Variants in ATP6V1E2 observed in about 807,000 individuals in gnomAD.
The protein encoded by ATP6V1E2 is V-type proton ATPase subunit E 2.
For synonymous variants in ATP6V1E2, 121 were observed against 104.2 expected (o/e 1.16, Z -0.98); for missense variants, 308 against 273.3 (o/e 1.13, Z -0.90).
intron 4 of ATP6V1E2, among the ~76,000 whole-genome samples, chr2:46,522,270 G>C (rs56665981): frequency 0.62 from 91,426 of 148,590 alleles, 29,572 homozygotes; most frequent in East Asian, 0.83. Flanking sequence ...GGCGACAGAC[G>C]GAGACTCTGT....
At position 46,525,461 on chromosome 2, in the gene ATP6V1E2, C is replaced by CAAAAAAAAAAA. The variant is rs57428249; in HGVS notation, c.-102+10341_-102+10351dup. Among the ~76,000 whole-genome samples the CAAAAAAAAAAA allele has an allele frequency of 1.5e-3, 84 of 56,658 alleles. 1 individual carries two copies. Among genetic ancestry groups the CAAAAAAAAAAA allele is most frequent in the South Asian group, 3.3e-3 (5 of 1,520 alleles). 37.2% of individuals were successfully genotyped at this position (56,658 alleles called of 152,430 possible). A position where few individuals can be genotyped will look rare whatever the true frequency, so the allele number is the denominator to read the frequency against. On this transcript the variant is annotated intron_variant, in intron 4 of 4. Coordinates refer to ENST00000522587, the MANE Select transcript of ATP6V1E2 (RefSeq NM_001318063.2). ...TGGGCGACAGAACGAGACTCCGTCTCAAAAAAAAAAAAAAAGAAAAAAAAA... is the reference window on the plus strand; with the variant it reads ...TGGGCGACAGAACGAGACTCCGTCTCAAAAAAAAAAAAAAAAAAAAAAAAAAGAAAAAAAAA...
In ATP6V1E2 at chr2:46,537,133, T is replaced by G. The variant is rs188044632; in HGVS notation, c.-309-430A>C. 3.9e-3 allele frequency among the ~76,000 whole-genome samples: 596 copies of G among 152,306 alleles called. 3 individuals are homozygous for G. Among genetic ancestry groups the G allele is most frequent in the South Asian group, 0.015 (72 of 4,828 alleles). On this transcript the variant is annotated intron_variant, in intron 2 of 4. Coordinates refer to ENST00000522587, the MANE Select transcript of ATP6V1E2 (RefSeq NM_001318063.2). ...GTAGCCAGGGGAAGGCCTAGGAACG[T>G]TGACCCTTAGGCAATAATGTAGATG...
At chr2:46,518,758 TTG>T (rs70940621) in intron 4 of ATP6V1E2, among the ~76,000 whole-genome samples, 3,149 of 140,268 alleles carry the variant, frequency 0.022, 43 homozygotes, top group African/African-American at 0.042. Flanking sequence ...CAAGTCAATT[TTG>T]TGTGTGTGTG....
chr2:46,512,270 C>T lies in ATP6V1E2; in HGVS notation c.442G>A (p.Val148Ile). ...ATGTACTCGGGGATGGCTTTTTGTA[C>T]AGCAGCCTCCACCAGGAGGAGGTCT... ...PQDLLLVEAA[V>I]QKAIPEYMTI... is the part of the protein sequence containing the mutation. The change falls in exon 5 of 5, where the codon GTA becomes ATA. Residue 148 changes from valine (V) to isoleucine (I), a missense_variant. By Grantham distance (29) the Val-to-Ile change is conservative. Coordinates refer to ENST00000522587, the MANE Select transcript of ATP6V1E2 (RefSeq NM_001318063.2). 1 of 1,612,448 alleles carries T rather than the reference C, an allele frequency of 6.2e-7. No individual in the cohort carries two copies. Among genetic ancestry groups the T allele is most frequent in the Non-Finnish European group, 8.5e-7 (1 of 1,178,968 alleles).
At chr2:46,517,877 A>G (rs1286116577) in intron 4 of ATP6V1E2, among the ~76,000 whole-genome samples, 1 of 152,258 alleles carries the variant, frequency 6.6e-6, no homozygotes, top group Non-Finnish European at 1.5e-5. Context: ...AAGGATGTGC[A>G]GAAACTGGAA....
chr2:46,516,521 T>C (rs937564184), intron 4 of ATP6V1E2, among the ~76,000 whole-genome samples: 8 of 152,158 alleles, frequency 5.3e-5, no homozygotes, highest in African/African-American at 1.9e-4. Flanking sequence ...TTGAACCTGG[T>C]AGTGCGAGGC....
chr2:46,512,776 C>T lies in ATP6V1E2; in HGVS notation c.-65G>A, dbSNP rs1470532020. On this transcript the variant is annotated 5_prime_UTR_variant, in exon 5 of 5. Coordinates refer to ENST00000522587, the MANE Select transcript of ATP6V1E2 (RefSeq NM_001318063.2). The stretch of plus-strand genomic sequence containing the variant: ...ACCGTTTGGCTCCTTTGACTTAGGA[C>T]AATTTCAGGAGTGTCTCTGGAGTTC... The T allele has an allele frequency of 1.4e-5, 20 of 1,403,030 alleles. No homozygotes were observed. The highest frequency in any genetic ancestry group is 1.9e-5 in the Non-Finnish European group (20 of 1,038,530). 86.9% of individuals were successfully genotyped at this position (1,403,030 alleles called of 1,614,324 possible). A position where few individuals can be genotyped will look rare whatever the true frequency, so the allele number is the denominator to read the frequency against.
Position 46,525,235 on chromosome 2 carries a change from G to C in ATP6V1E2, c.-102+10578C>G, listed in dbSNP as rs184593554. Among the ~76,000 whole-genome samples, 1,031 of 152,076 alleles carry C rather than the reference G, an allele frequency of 6.8e-3. 6 individuals are homozygous for C. Among genetic ancestry groups the C allele is most frequent in the Middle Eastern group, 0.017 (5 of 294 alleles). ...CACGCCTGTAATCCCAGTACTTTGG[G>C]AGGCCGAGGCGGGCGGATCACGAGG... On this transcript the variant is annotated intron_variant, in intron 4 of 4. Coordinates refer to ENST00000522587, the MANE Select transcript of ATP6V1E2 (RefSeq NM_001318063.2).
rs986877826 is a variant in ATP6V1E2, at chr2:46,535,947, C to G, written c.-216-20G>C. On this transcript the variant is annotated intron_variant, in intron 3 of 4. Coordinates refer to ENST00000522587, the MANE Select transcript of ATP6V1E2 (RefSeq NM_001318063.2). The surrounding 1 kb of genome is among the most constrained non-coding windows in gnomAD (Gnocchi z 4.4). ...TTGGTTCTGAAACATAAAATAAAAT[C>G]ATTAATTTCATTTTTGGAGGAGGGA... is the stretch of plus-strand genomic sequence containing the variant. The G allele has an allele frequency of 6.6e-6, 1 of 152,162 alleles. No individual in the cohort carries two copies. Among genetic ancestry groups the G allele is most frequent in the Non-Finnish European group, 1.5e-5 (1 of 68,030 alleles). The allele number at this position is 152,162 out of a possible 1,614,324, so 9.4% of individuals were successfully genotyped here. A position where few individuals can be genotyped will look rare whatever the true frequency, so the allele number is the denominator to read the frequency against.
At chr2:46,517,862 T>C (rs1264754493) in intron 4 of ATP6V1E2, among the ~76,000 whole-genome samples, 1 of 152,204 alleles carries the variant, frequency 6.6e-6, no homozygotes, top group Non-Finnish European at 1.5e-5. Context: ...ATAACAAGTG[T>C]TGGCAAGGAT....
At chr2:46,517,099 A>G (rs967178315) in intron 4 of ATP6V1E2, among the ~76,000 whole-genome samples, 3 of 152,242 alleles carry the variant, frequency 2.0e-5, no homozygotes, top group African/African-American at 7.2e-5. Flanking sequence ...ACGAAGTTAA[A>G]GTAATTAAAA....
intron 4 of ATP6V1E2, among the ~76,000 whole-genome samples, chr2:46,524,959 T>C (rs559357511): frequency 1.3e-5 from 2 of 152,152 alleles, no homozygotes; most frequent in Non-Finnish European, 2.9e-5. Context: ...TCGCCAAACC[T>C]GGACTCAGGA....
rs1667406104 is a variant in ATP6V1E2, at chr2:46,535,602, C to T, written c.-102+211G>A. On this transcript the variant is annotated intron_variant, in intron 4 of 4. Coordinates refer to ENST00000522587, the MANE Select transcript of ATP6V1E2 (RefSeq NM_001318063.2). This position sits in a 1 kb window ranked among gnomAD's most constrained non-coding sequence, Gnocchi z 4.4. ...CTTCTGAACCAGGAACTCAATTATA[C>T]CACAACCAACACCACTGCCTGCCCT... 1 of 152,252 alleles carries T rather than the reference C, an allele frequency of 6.6e-6. No individual in the cohort carries two copies. The highest frequency in any genetic ancestry group is 2.1e-4 in the South Asian group (1 of 4,834). 9.4% of individuals were successfully genotyped at this position (152,252 alleles called of 1,614,324 possible).
At chr2:46,516,744 A>C (rs937595411) in intron 4 of ATP6V1E2, among the ~76,000 whole-genome samples, 16 of 152,116 alleles carry the variant, frequency 1.1e-4, no homozygotes, top group African/African-American at 3.9e-4. Context: ...CTATATTAAA[A>C]AAAAAAACTC....
chr2:46,522,305 G>A lies in ATP6V1E2; in HGVS notation c.-101-9493C>T, dbSNP rs561451723. 4.0e-5 allele frequency among the ~76,000 whole-genome samples: 6 copies of A among 149,684 alleles called. No individual in the cohort carries two copies. In the South Asian group the frequency reaches 1.1e-3, roughly 27 times the overall value. On this transcript the variant is annotated intron_variant, in intron 4 of 4. Coordinates refer to ENST00000522587, the MANE Select transcript of ATP6V1E2 (RefSeq NM_001318063.2). ...TCTCCAAAAAAAAAAAAAGGATAATGGCAGAACGTGCAGGTTTGTTACACA... is the reference window on the plus strand; with the variant it reads ...TCTCCAAAAAAAAAAAAAGGATAATAGCAGAACGTGCAGGTTTGTTACACA...
intron 4 of ATP6V1E2, among the ~76,000 whole-genome samples, chr2:46,517,300 G>A (rs1349884243): frequency 2.6e-5 from 4 of 152,096 alleles, no homozygotes; most frequent in African/African-American, 7.2e-5. Context: ...AATGAAATTG[G>A]ACCCTTATTT....
intron 2 of ATP6V1E2, among the ~76,000 whole-genome samples, chr2:46,539,679 C>T (rs955970578): frequency 4.6e-5 from 7 of 152,366 alleles, no homozygotes; most frequent in Admixed American, 3.9e-4. Context: ...ACTAATCATG[C>T]ACTCTGTCCA....
chr2:46,533,220 TA>T (rs1667273939), intron 4 of ATP6V1E2, among the ~76,000 whole-genome samples: 1 of 59,730 alleles, frequency 1.7e-5, no homozygotes, highest in Non-Finnish European at 3.8e-5. Flanking sequence ...GATAGATAGA[TA>T]GATAGATAGA....
intron 4 of ATP6V1E2, among the ~76,000 whole-genome samples, chr2:46,521,678 G>C (rs1223329863): frequency 4.6e-5 from 7 of 152,044 alleles, no homozygotes; most frequent in Non-Finnish European, 7.4e-5. Context: ...CCCCTCTTCT[G>C]TCTTTCTTTC....
Sources: allele counts gnomAD v4.1 joint callset (sites outside exome capture counted in the v4.1 genomes callset), GRCh38; gene constraint gnomAD v4.1.1; non-coding constraint Gnocchi (gnomAD v3.1); transcripts MANE v1.5; gene names NCBI Gene and HGNC (gene_info 2026-07-23, HGNC 2026-07-21).